The following CSMD1 variants were observed in gnomAD, a reference collection of about 807,000 sequenced individuals.
The protein encoded by CSMD1 is CUB and sushi domain-containing protein 1.
Under a neutral mutation model 417.5 loss-of-function variants are expected in CSMD1, and 213 were observed. The observed-to-expected ratio is 0.51, with a 90% CI of 0.46 to 0.57. CSMD1 has a LOEUF of 0.57. Among genes scored for constraint, CSMD1 ranks in the 20% least tolerant of loss-of-function variants. The probability of loss-of-function intolerance (pLI) is 0.00; values close to 1 mark genes in which losing one functional copy is unlikely to be tolerated. For missense variants in CSMD1, 6,923 were observed against 4,529.7 expected (o/e 1.53, Z -15.17); for synonymous variants, 2,862 against 1,736.8 (o/e 1.65, Z -16.11).
chr8:3,808,162 T>TA (rs761902025), intron 5 of CSMD1, among the ~76,000 whole-genome samples: 2 of 152,110 alleles, frequency 1.3e-5, no homozygotes, highest in African/African-American at 2.4e-5. Flanking sequence ...TCTATGAAAT[T>TA]AAAAAAATGT....
intron 3 of CSMD1, among the ~76,000 whole-genome samples, chr8:4,097,197 G>A (rs745393755): frequency 1.3e-5 from 2 of 152,102 alleles, no homozygotes; most frequent in African/African-American, 2.4e-5. Flanking sequence ...ATTGCTGATT[G>A]AATGAATCAA....
chr8:4,155,162 G>A (rs1258977422), intron 3 of CSMD1, among the ~76,000 whole-genome samples: 3 of 152,188 alleles, frequency 2.0e-5, no homozygotes, highest in East Asian at 3.8e-4. Context: ...AAGAGGCACT[G>A]ACTGTTTACA....
chr8:4,464,323 AGTGCG>A (rs1490577247), intron 2 of CSMD1, among the ~76,000 whole-genome samples: 1 of 152,190 alleles, frequency 6.6e-6, no homozygotes, highest in East Asian at 1.9e-4. Flanking sequence ...TTCAACTTAC[AGTGCG>A]GTTATGTTCT....
intron 6 of CSMD1, among the ~76,000 whole-genome samples, chr8:3,729,595 G>A (rs1802705324): frequency 6.6e-6 from 1 of 152,056 alleles, no homozygotes; most frequent in South Asian, 2.1e-4. Flanking sequence ...ACAACCTGCT[G>A]GAAGCCATTA....
intron 1 of CSMD1, among the ~76,000 whole-genome samples, chr8:4,847,120 G>T (rs1033227717): frequency 8.5e-5 from 13 of 152,164 alleles, no homozygotes; most frequent in African/African-American, 2.9e-4. Flanking sequence ...TGTGAAAAGA[G>T]AACTTACAGA....
chr8:3,355,193 A>AT (rs1484932516), intron 21 of CSMD1, among the ~76,000 whole-genome samples: 5 of 151,584 alleles, frequency 3.3e-5, no homozygotes, highest in African/African-American at 4.9e-5. Context: ...ACTTTCATTC[A>AT]TTTTTTAAAA....
At chr8:3,871,758 A>G (rs550616097) in intron 5 of CSMD1, among the ~76,000 whole-genome samples, 3 of 152,340 alleles carry the variant, frequency 2.0e-5, no homozygotes, top group South Asian at 2.1e-4. Flanking sequence ...AATGTGGGTA[A>G]AATGGTGGAT....
rs3219854 is a variant in CSMD1, at chr8:3,819,561, C to CACT, written c.819-65520_819-65519insAGT. Among the ~76,000 whole-genome samples the CACT allele has an allele frequency of 6.7e-5, 10 of 149,880 alleles. No individual in the cohort carries two copies. In the East Asian group the frequency reaches 1.2e-3, roughly 18 times the overall value. ...ACACACACACACACACACACACACA[C>CACT]GTATGTATATAAACGCCAACATGCG... is the stretch of plus-strand genomic sequence containing the variant. On this transcript the variant is annotated intron_variant, in intron 5 of 69. Transcript: ENST00000635120.
At chr8:3,698,484 A>T (rs751382093) in intron 7 of CSMD1, among the ~76,000 whole-genome samples, 17 of 152,254 alleles carry the variant, frequency 1.1e-4, no homozygotes, top group Non-Finnish European at 1.6e-4. Flanking sequence ...TCTGCTTTAA[A>T]GCAAGACCTA....
At chr8:4,809,909 C>G (rs1563457206) in intron 1 of CSMD1, among the ~76,000 whole-genome samples, 2 of 152,178 alleles carry the variant, frequency 1.3e-5, no homozygotes, top group Non-Finnish European at 2.9e-5. Flanking sequence ...CCAAGTCCGG[C>G]CACTTACCAA....
intron 5 of CSMD1, among the ~76,000 whole-genome samples, chr8:3,851,572 T>C (rs2930360): frequency 0.22 from 32,918 of 152,180 alleles, 3,791 homozygotes; most frequent in African/African-American, 0.29. Flanking sequence ...AACTCCCTGC[T>C]GCAGGCCAAG....
At chr8:4,092,986 T>C (rs4875274) in intron 3 of CSMD1, among the ~76,000 whole-genome samples, 71,334 of 151,976 alleles carry the variant, frequency 0.47, 17,860 homozygotes, top group Middle Eastern at 0.55. Flanking sequence ...TTATACATAG[T>C]GGGGGTCAAA....
intron 3 of CSMD1, among the ~76,000 whole-genome samples, chr8:4,235,217 G>C (rs1310878841): frequency 6.6e-6 from 1 of 152,068 alleles, no homozygotes; most frequent in South Asian, 2.1e-4. Context: ...TGGACCAAGG[G>C]TGCAAAAAAG....
intron 1 of CSMD1, among the ~76,000 whole-genome samples, chr8:4,840,911 A>G (rs1449248338): frequency 3.9e-5 from 6 of 152,216 alleles, no homozygotes; most frequent in Admixed American, 1.3e-4. Context: ...CAACACCACT[A>G]CTGTAAAGTG....
chr8:4,145,738 A>G (rs1172246972), intron 3 of CSMD1, among the ~76,000 whole-genome samples: 1 of 150,968 alleles, frequency 6.6e-6, no homozygotes, highest in Non-Finnish European at 1.5e-5. Flanking sequence ...GTCCCAAGGA[A>G]CCAAAGTCAA....
intron 23 of CSMD1, among the ~76,000 whole-genome samples, chr8:3,339,380 A>T (rs930947478): frequency 6.6e-6 from 1 of 152,132 alleles, no homozygotes; most frequent in African/African-American, 2.4e-5. Flanking sequence ...GAGACTTTTA[A>T]GAGCCAAGGG....
At chr8:4,119,116 T>A (rs7830248) in intron 3 of CSMD1, among the ~76,000 whole-genome samples, 2 of 152,060 alleles carry the variant, frequency 1.3e-5, no homozygotes, top group East Asian at 3.9e-4. Flanking sequence ...AGAAGGGAGA[T>A]CATTAGGGAA....
chr8:4,883,545 T>A (rs894152556), intron 1 of CSMD1, among the ~76,000 whole-genome samples: 42 of 152,120 alleles, frequency 2.8e-4, no homozygotes, highest in Admixed American at 2.3e-3. Flanking sequence ...ATCTAGACAT[T>A]TGCCAATTCC....
intron 3 of CSMD1, among the ~76,000 whole-genome samples, chr8:4,361,534 G>C (rs1284292178): frequency 6.6e-6 from 1 of 152,102 alleles, no homozygotes; most frequent in Admixed American, 6.6e-5. Flanking sequence ...TAACGACCAC[G>C]GTCCTACAAA....
Sources: allele counts gnomAD v4.1 joint callset (sites outside exome capture counted in the v4.1 genomes callset), GRCh38; gene constraint gnomAD v4.1.1; transcripts MANE v1.5; gene names NCBI Gene and HGNC (gene_info 2026-07-23, HGNC 2026-07-21).